NPAS3: variants seen among roughly 807,000 people sequenced by gnomAD.
NPAS3 encodes the protein neuronal PAS domain protein 3.
In NPAS3, 14 loss-of-function variants were observed where a neutral mutation model predicts 73.1. The observed-to-expected ratio is 0.19, with a 90% confidence interval of 0.13 to 0.30. The LOEUF (loss-of-function observed/expected upper bound fraction) is 0.30, where lower values mean the gene tolerates loss of function less well. Ranked by LOEUF, NPAS3 falls within the 10% of genes least tolerant of loss-of-function variation. NPAS3 has a pLI of 1.00. For synonymous variants in NPAS3, 620 were observed against 541.5 expected (o/e 1.14, Z -2.01); for missense variants, 1,096 against 1,250.0 (o/e 0.88, Z 1.86).
intron 6 of NPAS3, among the ~76,000 whole-genome samples, chr14:33,696,567 G>A (rs1247047534): frequency 1.3e-5 from 2 of 152,132 alleles, no homozygotes; most frequent in African/African-American, 4.8e-5. Context: ...TGTTTTCATA[G>A]GTGGACAGCA....
At chr14:33,251,646 T>G (rs1041239785) in intron 3 of NPAS3, among the ~76,000 whole-genome samples, 2 of 152,136 alleles carry the variant, frequency 1.3e-5, no homozygotes, top group African/African-American at 4.8e-5. Flanking sequence ...AAATCAGGTA[T>G]GTTACATAAC....
intron 7 of NPAS3, among the ~76,000 whole-genome samples, chr14:33,768,920 T>C (rs943163): frequency 0.69 from 104,446 of 152,120 alleles, 36,849 homozygotes; most frequent in African/African-American, 0.85. Context: ...GGAAGCCATA[T>C]CCATTCTTTG....
At chr14:33,588,437 C>T (rs918392524) in intron 5 of NPAS3, among the ~76,000 whole-genome samples, 17 of 152,174 alleles carry the variant, frequency 1.1e-4, no homozygotes, top group Non-Finnish European at 1.6e-4. Context: ...TCAAAGCTCC[C>T]GTAGACCCAA....
chr14:33,647,290 C>CTATATA (rs774453212), intron 5 of NPAS3, among the ~76,000 whole-genome samples: 3 of 147,418 alleles, frequency 2.0e-5, no homozygotes, highest in African/African-American at 2.6e-5. Context: ...CTCTCTCTCT[C>CTATATA]TATATATATA....
chr14:33,586,588 A>G (rs1343048350), intron 5 of NPAS3, among the ~76,000 whole-genome samples: 3 of 152,212 alleles, frequency 2.0e-5, no homozygotes, highest in Non-Finnish European at 4.4e-5. Flanking sequence ...GAGATGTATC[A>G]TTTAGTAGAA....
At chr14:33,499,581 C>T (rs1195962659) in intron 4 of NPAS3, among the ~76,000 whole-genome samples, 1 of 151,934 alleles carries the variant, frequency 6.6e-6, no homozygotes, top group Non-Finnish European at 1.5e-5. Context: ...GGGAAATCCT[C>T]CATAACCCTG....
Position 33,627,566 on chromosome 14 carries a change from G to A in NPAS3, c.559-48645G>A, listed in dbSNP as rs192870526. ...CTTTTCAGGTTTTCTTAGAGCAAAG[G>A]CAGCCTTATTCAAGGTAGTTCAAGG... is the stretch of plus-strand genomic sequence containing the variant. On this transcript the variant is annotated intron_variant, in intron 5 of 11. Transcript: ENST00000356141. 9.9e-5 allele frequency among the ~76,000 whole-genome samples: 15 copies of A among 152,260 alleles called. No individual in the cohort carries two copies. The East Asian group carries it at 2.5e-3, about 25-fold the overall frequency.
At chr14:33,159,070 G>A (rs1489988752) in intron 2 of NPAS3, among the ~76,000 whole-genome samples, 1 of 152,020 alleles carries the variant, frequency 6.6e-6, no homozygotes, top group East Asian at 1.9e-4. Context: ...ACCGAGGCAG[G>A]GGAATTGCTT....
chr14:33,411,598 C>T (rs1196972536), intron 4 of NPAS3, among the ~76,000 whole-genome samples: 1 of 152,164 alleles, frequency 6.6e-6, no homozygotes, highest in African/African-American at 2.4e-5. Context: ...ACACATTTTC[C>T]AGTTTAAAAT....
chr14:33,680,588 C>T (rs1372838669), intron 6 of NPAS3: 1 of 702,068 alleles, frequency 1.4e-6, no homozygotes, highest in Admixed American at 2.0e-5. Context: ...GATAAAATTC[C>T]CTTTCTGTCT....
chr14:33,604,934 T>A (rs555526644), intron 5 of NPAS3, among the ~76,000 whole-genome samples: 107 of 152,242 alleles, frequency 7.0e-4, no homozygotes, highest in African/African-American at 2.5e-3. Context: ...TATCAGAATT[T>A]GCAGCATATC....
chr14:33,366,988 G>A (rs1468921431), intron 3 of NPAS3, among the ~76,000 whole-genome samples, 198 bp from the exon 4 acceptor site: 1 of 152,004 alleles, frequency 6.6e-6, no homozygotes, highest in African/African-American at 2.4e-5. Flanking sequence ...TCTAGAAGTC[G>A]ATATTTTAGG....
At chr14:33,302,836 G>A (rs879354087) in intron 3 of NPAS3, among the ~76,000 whole-genome samples, 9 of 151,724 alleles carry the variant, frequency 5.9e-5, no homozygotes, top group African/African-American at 1.9e-4. Flanking sequence ...TTTCCACATA[G>A]AGCAGTTACA....
At chr14:33,141,536 T>G (rs1260530227) in intron 2 of NPAS3, among the ~76,000 whole-genome samples, 3 of 152,254 alleles carry the variant, frequency 2.0e-5, no homozygotes, top group Non-Finnish European at 4.4e-5. Context: ...GAGCTATTTC[T>G]ATACAGTTTT....
At chr14:33,531,553 G>T (rs998777224) in intron 4 of NPAS3, among the ~76,000 whole-genome samples, 2 of 152,072 alleles carry the variant, frequency 1.3e-5, no homozygotes, top group Admixed American at 1.3e-4. Flanking sequence ...ATGTACAGCT[G>T]TACCACAGTT....
At chr14:33,262,312 G>T (rs1422864897) in intron 3 of NPAS3, among the ~76,000 whole-genome samples, 1 of 152,182 alleles carries the variant, frequency 6.6e-6, no homozygotes, top group East Asian at 1.9e-4. Flanking sequence ...CGTAAGCCAA[G>T]AAATAAGTGT....
chr14:33,671,107 T>C lies in NPAS3; in HGVS notation c.559-5104T>C, dbSNP rs140830776. On this transcript the variant is annotated intron_variant, in intron 5 of 11. Transcript: ENST00000356141. ...TCTTTATCTAAGCATTCTCTTAAGT[T>C]GTTCCAATATGGAGATAACTTACAA... Among the ~76,000 whole-genome samples, 117 of 152,312 alleles carry C rather than the reference T, an allele frequency of 7.7e-4. 1 individual carries two copies. In the East Asian group the frequency reaches 0.022, roughly 29 times the overall value.
intron 6 of NPAS3, among the ~76,000 whole-genome samples, chr14:33,719,114 C>T (rs931631599): frequency 2.0e-5 from 3 of 152,122 alleles, no homozygotes; most frequent in Admixed American, 6.5e-5. Context: ...GGTGACAGAG[C>T]GAGACTGTAG....
intron 1 of NPAS3, among the ~76,000 whole-genome samples, chr14:32,963,402 A>G (rs1241220681): frequency 6.6e-6 from 1 of 152,226 alleles, no homozygotes. Context: ...TCATGGGGGA[A>G]AAAAGAAGGG....
Sources: gnomAD v4.1 joint callset for allele counts (sites outside exome capture counted in the v4.1 genomes callset) on GRCh38, gnomAD v4.1.1 for gene constraint, MANE v1.5 for transcripts, NCBI Gene and HGNC (gene_info 2026-07-23, HGNC 2026-07-21) for gene names.